Variants in ATAD3A observed in about 807,000 individuals in gnomAD.
ATAD3A encodes ATPase family AAA domain-containing protein 3A.
In ATAD3A, 46 loss-of-function variants were observed where a neutral mutation model predicts 73.8. The observed-to-expected ratio is 0.62, with a 90% CI of 0.49 to 0.80. The LOEUF is 0.80. Among genes scored for constraint, ATAD3A ranks in the 30% least tolerant of loss-of-function variants. ATAD3A has a pLI of 0.00. For synonymous variants in ATAD3A, 319 were observed against 350.0 expected, an observed-to-expected ratio of 0.91 and a Z score of 0.99; for missense variants, 705 against 838.0, an observed-to-expected ratio of 0.84 and a Z score of 1.96.
chr1:1,518,401 A>C (rs1347958795), intron 4 of ATAD3A, among the ~76,000 whole-genome samples: 3 of 141,116 alleles, frequency 2.1e-5, no homozygotes, highest in African/African-American at 7.9e-5. Flanking sequence ...ACACATGGGC[A>C]TGCCCCCCCA....
chr1:1,529,132 G>T (rs551557841), intron 14 of ATAD3A, 91 bp from the exon 15 acceptor site: 3 of 1,546,414 alleles, frequency 1.9e-6, no homozygotes, highest in African/African-American at 1.4e-5. Context: ...TGTTTGGCGT[G>T]GGTGTCGGCC....
intron 7 of ATAD3A, among the ~76,000 whole-genome samples, chr1:1,522,494 T>G (rs977823808): frequency 6.6e-6 from 1 of 152,210 alleles, no homozygotes; most frequent in African/African-American, 2.4e-5. Flanking sequence ...CGACCGAGGC[T>G]TTCTAGGATT....
chr1:1,520,096 G>A lies in ATAD3A; in HGVS notation c.515-45G>A, dbSNP rs779696782. The A allele has an allele frequency of 8.2e-6, 13 of 1,586,490 alleles. No homozygotes were observed. The highest frequency in any genetic ancestry group is 1.0e-5 in the Non-Finnish European group (12 of 1,168,194). Reference sequence around the variant, plus strand: ...GTCCACAGTGTGGGTGGAGGTGGACGCGCTGCACTGCATGGTGCTGAGCTG... The same window carrying A: ...GTCCACAGTGTGGGTGGAGGTGGACACGCTGCACTGCATGGTGCTGAGCTG... On this transcript the variant is annotated intron_variant, in intron 5 of 15. Coordinates refer to ENST00000378756, the MANE Select transcript of ATAD3A (RefSeq NM_001170535.3). The surrounding 1 kb of genome is among the most constrained non-coding windows in gnomAD (Gnocchi z 4.0).
In ATAD3A at chr1:1,520,038, T is replaced by C. The variant is rs1321222809; in HGVS notation, c.515-103T>C. ...TGGGCCTGTCTGTGGCGTTGGTCTGTCCGTGGCGTGGGCCGGTCCGTGGCG... is the reference window on the plus strand; with the variant it reads ...TGGGCCTGTCTGTGGCGTTGGTCTGCCCGTGGCGTGGGCCGGTCCGTGGCG... On this transcript the variant is annotated intron_variant, in intron 5 of 15. Transcript: ENST00000378756. The surrounding 1 kb of genome is among the most constrained non-coding windows in gnomAD (Gnocchi z 4.0). 2.7e-6 allele frequency: 4 copies of C among 1,498,406 alleles called. No homozygotes were observed. Among genetic ancestry groups the C allele is most frequent in the African/African-American group, 1.4e-5 (1 of 72,290 alleles). 92.8% of individuals were successfully genotyped at this position (1,498,406 alleles called of 1,614,324 possible).
intron 11 of ATAD3A, 68 bp from the exon 12 acceptor site, chr1:1,525,172 G>C (rs559898799): frequency 6.2e-6 from 10 of 1,606,320 alleles, no homozygotes; most frequent in Middle Eastern, 4.2e-4. Flanking sequence ...CTCCTGCCGC[G>C]GCCGGACGCT....
At position 1,534,073 on chromosome 1, in the gene ATAD3A, GTCCACAGGGAGA is replaced by G. The variant is rs762431813; in HGVS notation, c.*9_*20del. ...TGGGGACGAGCCCTCCCCATCCTGA[GTCCACAGGGAGA>G]TCCACAGCTCACGGAGCCTGGCCGC... On this transcript the variant is annotated 3_prime_UTR_variant, in exon 16 of 16. Transcript: ENST00000378756. The G allele has an allele frequency of 7.4e-6, 12 of 1,613,578 alleles. No individual in the cohort carries two copies. The highest frequency in any genetic ancestry group is 1.1e-5 in the South Asian group (1 of 91,074).
chr1:1,512,534 G>T, intron 1 of ATAD3A, 61 bp downstream of exon 1: 1 of 1,372,928 alleles, frequency 7.3e-7, no homozygotes, highest in Non-Finnish European at 9.6e-7. Flanking sequence ...GGAAGCGGGA[G>T]CCCTGGCCCT....
At chr1:1,515,936 C>T (rs1570319664) in intron 1 of ATAD3A, 76 bp from the exon 2 acceptor site, 1 of 1,563,474 alleles carries the variant, frequency 6.4e-7, no homozygotes, top group African/African-American at 1.4e-5. Flanking sequence ...CCAGAAAGCC[C>T]CTTGGCTGGT....
rs780822663 is a variant in ATAD3A at position 1,523,971 on chromosome 1, G to A, written c.1089+7G>A. The A allele has an allele frequency of 2.5e-6, 4 of 1,613,794 alleles. No individual in the cohort carries two copies. The highest frequency in any genetic ancestry group is 1.7e-5 in the Admixed American group (1 of 60,024). Reference sequence around the variant, plus strand: ...GAAGACGCTGTTTGCCAAGGTGAGAGCGCCTGGCTGAACAGGTGGGCCAGG... The same window carrying A: ...GAAGACGCTGTTTGCCAAGGTGAGAACGCCTGGCTGAACAGGTGGGCCAGG... On this transcript the variant is annotated splice_region_variant and intron_variant, in intron 10 of 15. Coordinates refer to ENST00000378756, the MANE Select transcript of ATAD3A (RefSeq NM_001170535.3). The surrounding 1 kb of genome is among the most constrained non-coding windows in gnomAD (Gnocchi z 5.1).
At position 1,523,604 on chromosome 1, in the gene ATAD3A, A is replaced by C. The variant is rs1251305537; in HGVS notation, c.963+37A>C. ...TGCCTGGGACCGGGGAGGCGCAGGGAGGGGACCCTGGAGCTGGGCCGGGCT... is the reference window on the plus strand; with the variant it reads ...TGCCTGGGACCGGGGAGGCGCAGGGCGGGGACCCTGGAGCTGGGCCGGGCT... On this transcript the variant is annotated intron_variant, in intron 9 of 15. Coordinates refer to ENST00000378756, the MANE Select transcript of ATAD3A (RefSeq NM_001170535.3). This position sits in a 1 kb window ranked among gnomAD's most constrained non-coding sequence, Gnocchi z 5.1. 1 of 1,611,864 alleles carries C rather than the reference A, an allele frequency of 6.2e-7. No individual in the cohort carries two copies. Among genetic ancestry groups the C allele is most frequent in the Non-Finnish European group, 8.5e-7 (1 of 1,179,594 alleles).
chr1:1,523,697 C>A lies in ATAD3A; in HGVS notation c.963+130C>A, dbSNP rs1363403731. The A allele has an allele frequency of 6.3e-7, 1 of 1,585,134 alleles. No individual in the cohort carries two copies. The highest frequency in any genetic ancestry group is 8.6e-7 in the Non-Finnish European group (1 of 1,163,540). On this transcript the variant is annotated intron_variant, in intron 9 of 15. Coordinates refer to ENST00000378756, the MANE Select transcript of ATAD3A (RefSeq NM_001170535.3). This position sits in a 1 kb window ranked among gnomAD's most constrained non-coding sequence, Gnocchi z 5.1. Reference sequence around the variant, plus strand: ...GGTCCTGAGATGCGACTGCTTGGACCGTGCTGGGGATAGATAGGCTGCCCC... The same window carrying A: ...GGTCCTGAGATGCGACTGCTTGGACAGTGCTGGGGATAGATAGGCTGCCCC...
chr1:1,527,684 C>T lies in ATAD3A; in HGVS notation c.1338-11C>T. ...AGCCCCAGCATCCTCATCCTCATCC[C>T]CGCCCCGCAGGTTCATGCTGGTCCT... On this transcript the variant is annotated splice_polypyrimidine_tract_variant and intron_variant, in intron 13 of 15. Transcript: ENST00000378756. 1 of 1,605,074 alleles carries T rather than the reference C, an allele frequency of 6.2e-7. No homozygotes were observed. The highest frequency in any genetic ancestry group is 2.2e-5 in the East Asian group (1 of 44,634).
chr1:1,513,471 C>T (rs1261537453), intron 1 of ATAD3A, among the ~76,000 whole-genome samples: 17 of 151,106 alleles, frequency 1.1e-4, no homozygotes, highest in African/African-American at 4.1e-4. Context: ...CCCCGGAGCT[C>T]CTGACCCGCA....
chr1:1,512,592 C>G, intron 1 of ATAD3A, 119 bp downstream of exon 1: 2 of 1,405,562 alleles, frequency 1.4e-6, no homozygotes, highest in Admixed American at 2.3e-5. Flanking sequence ...CGAGACTGCG[C>G]CCCCGGAGCA....
intron 4 of ATAD3A, 25 bp from the exon 5 acceptor site, chr1:1,518,896 C>A: frequency 1.2e-6 from 2 of 1,610,952 alleles, no homozygotes; most frequent in Admixed American, 1.7e-5. Context: ...AAAGGCTTTT[C>A]TCTTTTTCTG....
In ATAD3A at chr1:1,520,080, G is replaced by A; in HGVS notation, c.515-61G>A. 1 of 1,568,262 alleles carries A rather than the reference G, an allele frequency of 6.4e-7. No individual in the cohort carries two copies. The highest frequency in any genetic ancestry group is 8.6e-7 in the Non-Finnish European group (1 of 1,157,382). On this transcript the variant is annotated intron_variant, in intron 5 of 15. Transcript: ENST00000378756. The surrounding 1 kb of genome is among the most constrained non-coding windows in gnomAD (Gnocchi z 4.0). ...TCCGTGGCGTGGGCCGGTCCACAGTGTGGGTGGAGGTGGACGCGCTGCACT... is the reference window on the plus strand; with the variant it reads ...TCCGTGGCGTGGGCCGGTCCACAGTATGGGTGGAGGTGGACGCGCTGCACT...
intron 1 of ATAD3A, 28 bp from the exon 2 acceptor site, chr1:1,515,984 C>A (rs1476429996): frequency 6.2e-7 from 1 of 1,613,548 alleles, no homozygotes. Context: ...TATCCTAACA[C>A]CTGCCCTCCG....
chr1:1,523,052 C>T lies in ATAD3A; in HGVS notation c.906+153C>T, dbSNP rs576769765. ...TTCACGGGTGGGTTTTCCTGTCTGG[C>T]GCTGTACCTTAGGGGTCTGCATCAG... is the stretch of plus-strand genomic sequence containing the variant. On this transcript the variant is annotated intron_variant, in intron 8 of 15. Coordinates refer to ENST00000378756, the MANE Select transcript of ATAD3A (RefSeq NM_001170535.3). The surrounding 1 kb of genome is among the most constrained non-coding windows in gnomAD (Gnocchi z 5.1). 1.7e-3 allele frequency among the ~76,000 whole-genome samples: 252 copies of T among 151,922 alleles called. 2 individuals carry two copies. The highest frequency in any genetic ancestry group is 5.9e-3 in the African/African-American group (243 of 41,280).
At chr1:1,525,527 G>A (rs1258450897) in intron 12 of ATAD3A, among the ~76,000 whole-genome samples, 4 of 144,460 alleles carry the variant, frequency 2.8e-5, no homozygotes, top group African/African-American at 1.0e-4. Context: ...CCATTCTCCC[G>A]CCTCAGCCTC....
Sources: allele counts gnomAD v4.1 joint callset (sites outside exome capture counted in the v4.1 genomes callset), GRCh38; gene constraint gnomAD v4.1.1; non-coding constraint Gnocchi (gnomAD v3.1); transcripts MANE v1.5; gene names NCBI Gene and HGNC (gene_info 2026-07-23, HGNC 2026-07-21).